GFRA3: variants seen among roughly 807,000 people sequenced by gnomAD.
GFRA3 encodes GDNF family receptor alpha-3.
A neutral mutation model predicts 40.0 loss-of-function variants in GFRA3; 24 were observed. That is an observed-to-expected ratio of 0.60 (90% CI 0.43 to 0.84). GFRA3 has a LOEUF of 0.84. Among genes scored for constraint, GFRA3 ranks in the 40% least tolerant of loss-of-function variants. GFRA3 has a pLI of 0.00. For synonymous variants in GFRA3, 203 were observed against 213.5 expected (o/e 0.95, Z 0.43); for missense variants, 405 against 530.6 (o/e 0.76, Z 2.33).
chr5:138,264,562 T>C lies in GFRA3; in HGVS notation c.92-14A>G. 1 of 1,566,758 alleles carries C rather than the reference T, an allele frequency of 6.4e-7. No homozygotes were observed. Among genetic ancestry groups the C allele is most frequent in the Non-Finnish European group, 8.7e-7 (1 of 1,148,820 alleles). On this transcript the variant is annotated splice_polypyrimidine_tract_variant and intron_variant, in intron 1 of 7. Coordinates refer to ENST00000274721, the MANE Select transcript of GFRA3 (RefSeq NM_001496.4). ...GAAGGGGGTCTCCTGTAAAGGGAGA[T>C]ACCAGGTGAGGCTACGTAAGATTAG... is the stretch of plus-strand genomic sequence containing the variant.
At chr5:138,261,384 C>G (rs1272003957) in intron 2 of GFRA3, among the ~76,000 whole-genome samples, 1 of 152,134 alleles carries the variant, frequency 6.6e-6, no homozygotes, top group Non-Finnish European at 1.5e-5. Flanking sequence ...CTAGAAATTT[C>G]AGGACTTCCA....
chr5:138,264,196 G>T, intron 2 of GFRA3, 65 bp downstream of exon 2: 2 of 1,218,998 alleles, frequency 1.6e-6, no homozygotes, highest in Non-Finnish European at 2.3e-6. Context: ...TATCCTGCAG[G>T]ATTAAAAAAC....
chr5:138,272,598 A>G (rs1352527080), intron 1 of GFRA3, among the ~76,000 whole-genome samples: 2 of 151,548 alleles, frequency 1.3e-5, no homozygotes, highest in African/African-American at 4.9e-5. Context: ...AACTGGAATC[A>G]CACCACTGAA....
At chr5:138,255,913 A>G (rs13160114) in intron 4 of GFRA3, among the ~76,000 whole-genome samples, 40,379 of 143,346 alleles carry the variant, frequency 0.28, 6,688 homozygotes, top group South Asian at 0.39. Flanking sequence ...AAAAAAAAAA[A>G]AAGAAGAAGA....
chr5:138,261,448 C>T (rs1349986695), intron 2 of GFRA3, among the ~76,000 whole-genome samples: 1 of 152,094 alleles, frequency 6.6e-6, no homozygotes, highest in Non-Finnish European at 1.5e-5. Context: ...GTAATCCCGG[C>T]ATTTTGGGAG....
Position 138,265,206 on chromosome 5 carries a change from CTTTTTTTTTTTT to C in GFRA3, c.92-670_92-659del, listed in dbSNP as rs56317441. On this transcript the variant is annotated intron_variant, in intron 1 of 7. Transcript: ENST00000274721. ...GTTCAAAGATAAAAATCTAGGAGAA[CTTTTTTTTTTTT>C]TTTTTTTTTTTTTTTGAGACAGAGT... Among the ~76,000 whole-genome samples the C allele has an allele frequency of 4.3e-3, 220 of 50,616 alleles. 2 individuals are homozygous for C. The highest frequency in any genetic ancestry group is 0.016 in the African/African-American group (204 of 13,084). The allele number at this position is 50,616 out of a possible 152,430, so 33.2% of individuals were successfully genotyped here. A position where few individuals can be genotyped will look rare whatever the true frequency, so the allele number is the denominator to read the frequency against.
intron 4 of GFRA3, among the ~76,000 whole-genome samples, chr5:138,256,072 A>G (rs1379115835): frequency 3.9e-5 from 6 of 151,916 alleles, no homozygotes; most frequent in African/African-American, 1.4e-4. Flanking sequence ...TACTGAAAAT[A>G]CAAAAAAAAT....
chr5:138,263,611 C>T (rs1488518583), intron 2 of GFRA3, among the ~76,000 whole-genome samples: 6 of 152,132 alleles, frequency 3.9e-5, no homozygotes, highest in Non-Finnish European at 5.9e-5. Context: ...CCTTCTGCCA[C>T]GAGAAGGGAA....
chr5:138,255,724 C>A (rs1040993937), intron 4 of GFRA3, among the ~76,000 whole-genome samples: 1 of 151,532 alleles, frequency 6.6e-6, no homozygotes, highest in African/African-American at 2.4e-5. Context: ...CATGGCAAAA[C>A]CCCATCTCTA....
At chr5:138,255,044 AAG>A (rs1049670650) in intron 4 of GFRA3, among the ~76,000 whole-genome samples, 10 of 150,952 alleles carry the variant, frequency 6.6e-5, no homozygotes, top group Non-Finnish European at 1.2e-4. Context: ...GAAGGAGAAA[AAG>A]AGAGGAAGGA....
intron 1 of GFRA3, among the ~76,000 whole-genome samples, chr5:138,271,880 A>C: frequency 1.1e-4 from 2 of 17,734 alleles, no homozygotes; most frequent in South Asian, 1.5e-3. Context: ...TCCCGGCAGT[A>C]TTTTCTTTTC....
At chr5:138,261,748 G>A (rs1247699287) in intron 2 of GFRA3, among the ~76,000 whole-genome samples, 1 of 147,048 alleles carries the variant, frequency 6.8e-6, no homozygotes, top group Non-Finnish European at 1.5e-5. Context: ...ACTGTTTCTT[G>A]TATTCATAAG....
At chr5:138,272,009 C>CTT (rs558882177) in intron 1 of GFRA3, among the ~76,000 whole-genome samples, 1 of 97,882 alleles carries the variant, frequency 1.0e-5, no homozygotes, top group African/African-American at 4.1e-5. Context: ...TTTTCTTTTT[C>CTT]TTTTTTTTTT....
At chr5:138,253,692 GA>G (rs1208886551) in intron 6 of GFRA3, 73 bp downstream of exon 6, 1 of 1,415,112 alleles carries the variant, frequency 7.1e-7, no homozygotes, top group African/African-American at 1.4e-5. Flanking sequence ...CTGGGCCACA[GA>G]GTCGACCCTT....
At chr5:138,272,977 G>A (rs7726580) in intron 1 of GFRA3, among the ~76,000 whole-genome samples, 56,095 of 152,042 alleles carry the variant, frequency 0.37, 10,742 homozygotes, top group South Asian at 0.46. Flanking sequence ...TTTCTCATCA[G>A]TGAGGCCCAC....
At chr5:138,268,327 AATTATAGAAGAT>A in intron 1 of GFRA3, among the ~76,000 whole-genome samples, 1 of 149,570 alleles carries the variant, frequency 6.7e-6, no homozygotes, top group Non-Finnish European at 1.5e-5. Flanking sequence ...AAACTATAAA[AATTATAGAAGAT>A]AACATTGGAA....
At position 138,253,905 on chromosome 5, in the gene GFRA3, G is replaced by GA. The variant is rs1755588009; in HGVS notation, c.890-6dup. ...AGTTGGGGGTCATGGCAGTCCCTGTGAAGAGGGAAAGGGTAGTCAAGGCCT... is the reference window on the plus strand; with the variant it reads ...AGTTGGGGGTCATGGCAGTCCCTGTGAAAGAGGGAAAGGGTAGTCAAGGCCT... On this transcript the variant is annotated splice_region_variant and splice_polypyrimidine_tract_variant and intron_variant, in intron 5 of 7. Transcript: ENST00000274721. 6.2e-7 allele frequency: 1 copy of GA among 1,612,978 alleles called. No homozygotes were observed. Among genetic ancestry groups the GA allele is most frequent in the Non-Finnish European group, 8.5e-7 (1 of 1,179,172 alleles).
At chr5:138,256,726 A>G (rs1755637274) in intron 4 of GFRA3, among the ~76,000 whole-genome samples, 1 of 151,976 alleles carries the variant, frequency 6.6e-6, no homozygotes, top group Non-Finnish European at 1.5e-5. Flanking sequence ...AAGCAGGTGG[A>G]TCACAGGGTC....
At chr5:138,260,019 A>C (rs1322648263) in intron 2 of GFRA3, among the ~76,000 whole-genome samples, 1 of 152,128 alleles carries the variant, frequency 6.6e-6, no homozygotes, top group Non-Finnish European at 1.5e-5. Flanking sequence ...CGGAAAGAGA[A>C]GTGATTAGGA....
Sources: gnomAD v4.1 joint callset for allele counts (sites outside exome capture counted in the v4.1 genomes callset) on GRCh38, gnomAD v4.1.1 for gene constraint, MANE v1.5 for transcripts, NCBI Gene and HGNC (gene_info 2026-07-23, HGNC 2026-07-21) for gene names.